The following HMCN1 variants were observed in gnomAD, a reference collection of about 807,000 sequenced individuals.
HMCN1 encodes the protein hemicentin-1.
In HMCN1, 321 loss-of-function variants were observed where a neutral mutation model predicts 625.9. The ratio of observed to expected loss-of-function variants is 0.51; its 90% CI spans 0.47 to 0.56. The LOEUF is 0.56. Among genes scored for constraint, HMCN1 ranks in the 20% least tolerant of loss-of-function variants. HMCN1 has a pLI of 0.00. For missense variants in HMCN1, 6,588 were observed against 6,887.3 expected (o/e 0.96, Z 1.54); for synonymous variants, 2,425 against 2,417.6 (o/e 1.00, Z -0.09).
chr1:186,090,677 G>C, intron 63 of HMCN1, 81 bp from the exon 64 acceptor site: 1 of 1,474,182 alleles, frequency 6.8e-7, no homozygotes, highest in Non-Finnish European at 9.4e-7. Context: ...AACTAGAAAT[G>C]TCATATTGTT....
chr1:186,110,586 C>G (rs567984829), intron 71 of HMCN1, among the ~76,000 whole-genome samples: 31 of 152,126 alleles, frequency 2.0e-4, no homozygotes, highest in African/African-American at 7.5e-4. Flanking sequence ...GGAAGTTAAT[C>G]GAAGAAGAGG....
rs1460897606 is a variant in HMCN1 at position 186,108,683 on chromosome 1, A to G, written c.10989+86A>G. On this transcript the variant is annotated intron_variant, in intron 71 of 106. Transcript: ENST00000271588. Reference sequence around the variant, plus strand: ...CTCTAGGGCCTTTGCTGGGTACACAAAACCAACTAACATCAGGCTACTAAT... The same window carrying G: ...CTCTAGGGCCTTTGCTGGGTACACAGAACCAACTAACATCAGGCTACTAAT... 1.0e-5 allele frequency: 15 copies of G among 1,437,052 alleles called. No individual in the cohort carries two copies. The East Asian group carries it at 3.3e-4, about 32-fold the overall frequency. 89.0% of individuals were successfully genotyped at this position (1,437,052 alleles called of 1,614,324 possible). A position where few individuals can be genotyped will look rare whatever the true frequency, so the allele number is the denominator to read the frequency against.
At chr1:186,052,717 T>C (rs1157716412) in intron 42 of HMCN1, among the ~76,000 whole-genome samples, 1 of 152,060 alleles carries the variant, frequency 6.6e-6, no homozygotes, top group Admixed American at 6.6e-5. Context: ...TAAAGTAGCT[T>C]CTTTTTATGC....
chr1:185,763,228 C>T (rs548927289), intron 1 of HMCN1, among the ~76,000 whole-genome samples: 5 of 152,096 alleles, frequency 3.3e-5, no homozygotes, highest in South Asian at 2.1e-4. Flanking sequence ...AAGCAGACAC[C>T]GGAGAAACAA....
At chr1:186,076,734 AG>A in intron 54 of HMCN1, 112 bp downstream of exon 54, 2 of 1,030,154 alleles carry the variant, frequency 1.9e-6, no homozygotes, top group Non-Finnish European at 3.0e-6. Context: ...TTTAACTGGC[AG>A]TTAGACTGCT....
intron 64 of HMCN1, among the ~76,000 whole-genome samples, 197 bp downstream of exon 64, chr1:186,091,114 T>A (rs1203310160): frequency 6.6e-6 from 1 of 152,006 alleles, no homozygotes; most frequent in Non-Finnish European, 1.5e-5. Context: ...CAGAATTGTG[T>A]ATGTTTCTCA....
At chr1:185,770,430 A>T (rs1571326206) in intron 1 of HMCN1, among the ~76,000 whole-genome samples, 1 of 152,372 alleles carries the variant, frequency 6.6e-6, no homozygotes, top group Admixed American at 6.5e-5. Flanking sequence ...GAGAAAAGGA[A>T]CACATAAAGA....
At chr1:185,973,906 G>C (rs940407872) in intron 15 of HMCN1, among the ~76,000 whole-genome samples, 1 of 152,110 alleles carries the variant, frequency 6.6e-6, no homozygotes, top group Non-Finnish European at 1.5e-5. Flanking sequence ...CCAAAACAAT[G>C]TGTCCAGTCA....
chr1:186,177,681 T>C (rs908253860), intron 103 of HMCN1, among the ~76,000 whole-genome samples: 2 of 152,202 alleles, frequency 1.3e-5, no homozygotes, highest in East Asian at 3.8e-4. Context: ...AAATTATATG[T>C]GGACATATTA....
intron 20 of HMCN1, among the ~76,000 whole-genome samples, chr1:185,989,205 C>A (rs1652225089): frequency 6.6e-6 from 1 of 152,040 alleles, no homozygotes; most frequent in Non-Finnish European, 1.5e-5. Flanking sequence ...GACGGGGTTT[C>A]ACCGTGGTCT....
chr1:185,845,091 T>C (rs1370853520), intron 1 of HMCN1, among the ~76,000 whole-genome samples: 1 of 152,214 alleles, frequency 6.6e-6, no homozygotes, highest in African/African-American at 2.4e-5. Context: ...AAGGTAGTTA[T>C]GGTCAAAGCC....
At chr1:186,163,646 A>C (rs1651677261) in intron 97 of HMCN1, among the ~76,000 whole-genome samples, 1 of 152,212 alleles carries the variant, frequency 6.6e-6, no homozygotes, top group Admixed American at 6.5e-5. Context: ...TAGAAAATTC[A>C]CTATATATTT....
At chr1:185,999,327 T>G (rs1366156048) in intron 25 of HMCN1, among the ~76,000 whole-genome samples, 1 of 152,094 alleles carries the variant, frequency 6.6e-6, no homozygotes, top group African/African-American at 2.4e-5. Flanking sequence ...ATTGTTAGTA[T>G]AGATTTAATG....
chr1:185,891,771 A>G (rs1665104215), intron 4 of HMCN1, among the ~76,000 whole-genome samples: 2 of 147,962 alleles, frequency 1.4e-5, no homozygotes, highest in Non-Finnish European at 2.9e-5. Flanking sequence ...ACTTTGGTGA[A>G]TCTGACAATT....
Position 185,977,840 on chromosome 1 carries a change from A to G in HMCN1, c.2425A>G (p.Asn809Asp), listed in dbSNP as rs770766460. The G allele has an allele frequency of 8.7e-6, 14 of 1,613,288 alleles. No individual in the cohort carries two copies. The South Asian group carries it at 1.4e-4, about 16-fold the overall frequency. ...PADVSMEIGS[N>D]VTLPCYVQGY... is the part of the protein sequence containing the mutation. ...TGATGTGTCTATGGAAATTGGCTCA[A>G]ATGTGACATTACCTTGTTATGTTCA... Residue 809 changes from asparagine (N) to aspartate (D), a missense_variant, in exon 16 of 107, where the codon AAT (asparagine) becomes GAT (aspartate). Transcript: ENST00000271588.
intron 14 of HMCN1, among the ~76,000 whole-genome samples, chr1:185,966,698 T>C (rs1475151536): frequency 6.6e-6 from 1 of 152,144 alleles, no homozygotes; most frequent in African/African-American, 2.4e-5. Context: ...AATTTTCAGA[T>C]GAAAAGTGTT....
intron 22 of HMCN1, among the ~76,000 whole-genome samples, chr1:185,991,709 T>G (rs1322477081): frequency 6.6e-6 from 1 of 150,526 alleles, no homozygotes; most frequent in African/African-American, 2.5e-5. Flanking sequence ...TTATTCTTTT[T>G]TTTAAAAAAA....
chr1:185,965,455 G>A (rs907263628), intron 13 of HMCN1, among the ~76,000 whole-genome samples: 3 of 151,856 alleles, frequency 2.0e-5, no homozygotes, highest in African/African-American at 7.3e-5. Context: ...TGTTCTTTTA[G>A]TATTGTTTCT....
At chr1:185,747,205 T>G (rs1372473999) in intron 1 of HMCN1, among the ~76,000 whole-genome samples, 1 of 152,214 alleles carries the variant, frequency 6.6e-6, no homozygotes, top group Non-Finnish European at 1.5e-5. Context: ...GACTCTAAAC[T>G]CTGATCTCTT....
Sources: gnomAD v4.1 joint callset for allele counts (sites outside exome capture counted in the v4.1 genomes callset) on GRCh38, gnomAD v4.1.1 for gene constraint, MANE v1.5 for transcripts, NCBI Gene and HGNC (gene_info 2026-07-23, HGNC 2026-07-21) for gene names.